The following PKIB variants were observed in gnomAD, a reference collection of about 807,000 sequenced individuals.
PKIB encodes PKI-beta.
In PKIB, 2 loss-of-function variants were observed where a neutral mutation model predicts 4.5. That is an observed-to-expected ratio of 0.44 (90% CI 0.18 to 1.39). The LOEUF (loss-of-function observed/expected upper bound fraction) is 1.39, where lower values mean the gene tolerates loss of function less well. Among genes scored for constraint, PKIB ranks in the 40% most tolerant of loss-of-function variants. The pLI is 0.27. For missense variants in PKIB, 94 were observed against 92.6 expected (o/e 1.02, Z -0.06); for synonymous variants, 38 against 36.0 (o/e 1.06, Z -0.20).
chr6:122,689,397 T>C (rs1178719728), intron 3 of PKIB, among the ~76,000 whole-genome samples: 1 of 152,150 alleles, frequency 6.6e-6, no homozygotes, highest in East Asian at 1.9e-4. Flanking sequence ...TAGGTGCTTA[T>C]TGCTATTAAC....
At chr6:122,572,158 A>C (rs1773385097) in intron 2 of PKIB, among the ~76,000 whole-genome samples, 1 of 152,148 alleles carries the variant, frequency 6.6e-6, no homozygotes, top group Non-Finnish European at 1.5e-5. Context: ...CTTACATTAG[A>C]CAAACCAGAC....
At position 122,638,012 on chromosome 6, in the gene PKIB, T is replaced by A. The variant is rs558553935; in HGVS notation, c.-76+4645T>A. Reference sequence around the variant, plus strand: ...AATTAAAATAACATGTTAAAATAAGTTATCACTAATAAAAATGAAATAATT... The same window carrying A: ...AATTAAAATAACATGTTAAAATAAGATATCACTAATAAAAATGAAATAATT... On this transcript the variant is annotated intron_variant, in intron 2 of 4. Transcript: ENST00000368452. Among the ~76,000 whole-genome samples the A allele has an allele frequency of 9.2e-5, 14 of 152,274 alleles. No individual in the cohort carries two copies. In the East Asian group the frequency reaches 2.7e-3, roughly 29 times the overall value.
intron 1 of PKIB, among the ~76,000 whole-genome samples, chr6:122,620,495 T>C (rs1430402420): frequency 6.6e-6 from 1 of 152,240 alleles, no homozygotes; most frequent in African/African-American, 2.4e-5. Context: ...AGAATTTGTG[T>C]TGCTTGGTTT....
chr6:122,540,403 A>G lies in PKIB; in HGVS notation c.-247-45518A>G, dbSNP rs1246138578. On this transcript the variant is annotated intron_variant, in intron 2 of 6. Coordinates refer to the PKIB transcript ENST00000392491. ...GTGTCTTTGTTCTCGTTGGTTTCAAAGAACATCTTTATTTCTGCCTTCATT... is the reference window on the plus strand; with the variant it reads ...GTGTCTTTGTTCTCGTTGGTTTCAAGGAACATCTTTATTTCTGCCTTCATT... Among the ~76,000 whole-genome samples the G allele has an allele frequency of 1.3e-5, 2 of 151,950 alleles. 1 individual carries two copies. The highest frequency in any genetic ancestry group is 4.8e-5 in the African/African-American group (2 of 41,248).
intron 2 of PKIB, among the ~76,000 whole-genome samples, chr6:122,522,201 A>C (rs1251612352): frequency 6.6e-6 from 1 of 152,234 alleles, no homozygotes; most frequent in Non-Finnish European, 1.5e-5. Flanking sequence ...ACAAATAAGC[A>C]CATTTATTTA....
At chr6:122,674,954 T>G (rs1777613177) in intron 2 of PKIB, 124 bp from the exon 3 acceptor site, 1 of 152,252 alleles carries the variant, frequency 6.6e-6, no homozygotes, top group Non-Finnish European at 1.5e-5. Flanking sequence ...CCCGAGAAAG[T>G]CAGGCAAGTC....
chr6:122,571,192 A>G (rs1301063943), intron 2 of PKIB, among the ~76,000 whole-genome samples: 1 of 152,174 alleles, frequency 6.6e-6, no homozygotes, highest in East Asian at 1.9e-4. Context: ...ACCCAATCAG[A>G]CAAAGATAAA....
At position 122,506,705 on chromosome 6, in the gene PKIB, T is replaced by G. The variant is rs192615112; in HGVS notation, c.-248+28766T>G. On this transcript the variant is annotated intron_variant, in intron 2 of 6. Transcript: ENST00000392491. ...TGATTGGAGATGTAATTTTTTTTTT[T>G]TTTTTTTTTTTTGAGACGGAGTCTC... Among the ~76,000 whole-genome samples, 339 of 146,628 alleles carry G rather than the reference T, an allele frequency of 2.3e-3. 2 individuals are homozygous for G. Among genetic ancestry groups the G allele is most frequent in the Middle Eastern group, 0.01 (3 of 288 alleles).
chr6:122,528,256 C>A (rs777466730), intron 2 of PKIB, among the ~76,000 whole-genome samples: 8 of 152,042 alleles, frequency 5.3e-5, no homozygotes, highest in Admixed American at 3.3e-4. Flanking sequence ...CCTATCTTTT[C>A]ATTTTCATCT....
At chr6:122,632,511 A>G (rs2114823176) in intron 1 of PKIB, among the ~76,000 whole-genome samples, 1 of 152,336 alleles carries the variant, frequency 6.6e-6, no homozygotes, top group African/African-American at 2.4e-5. Context: ...AAATGAAAAT[A>G]ACTAGGTTGT....
intron 2 of PKIB, among the ~76,000 whole-genome samples, chr6:122,642,577 A>C (rs1313160221): frequency 6.6e-6 from 1 of 152,126 alleles, no homozygotes; most frequent in Non-Finnish European, 1.5e-5. Flanking sequence ...TTCTCACTCT[A>C]TCCCATTTGT....
At chr6:122,508,396 G>A (rs781324146) in intron 2 of PKIB, among the ~76,000 whole-genome samples, 2 of 152,150 alleles carry the variant, frequency 1.3e-5, no homozygotes, top group Non-Finnish European at 2.9e-5. Context: ...TGGCACTGAG[G>A]ACAATGTTGT....
intron 2 of PKIB, among the ~76,000 whole-genome samples, chr6:122,492,146 T>A (rs2114539649): frequency 6.6e-6 from 1 of 152,288 alleles, no homozygotes; most frequent in Non-Finnish European, 1.5e-5. Context: ...GGGAGAGGTA[T>A]GAGAACATGT....
chr6:122,642,739 G>A (rs188124282), intron 2 of PKIB, among the ~76,000 whole-genome samples: 21 of 152,304 alleles, frequency 1.4e-4, no homozygotes, highest in Admixed American at 6.5e-4. Flanking sequence ...AGGTTTGGGT[G>A]TGCCAATGTA....
At chr6:122,566,929 C>T (rs902177432) in intron 2 of PKIB, among the ~76,000 whole-genome samples, 2 of 152,140 alleles carry the variant, frequency 1.3e-5, no homozygotes, top group Admixed American at 1.3e-4. Context: ...CACTTTGTCA[C>T]CCAGGCTGCA....
At chr6:122,645,493 C>A (rs1776274765) in intron 2 of PKIB, among the ~76,000 whole-genome samples, 1 of 152,182 alleles carries the variant, frequency 6.6e-6, no homozygotes, top group Non-Finnish European at 1.5e-5. Flanking sequence ...CAGCAAGGTG[C>A]AGCAGATGGT....
At chr6:122,559,538 C>T (rs1033598477) in intron 2 of PKIB, among the ~76,000 whole-genome samples, 1 of 150,828 alleles carries the variant, frequency 6.6e-6, no homozygotes, top group Non-Finnish European at 1.5e-5. Flanking sequence ...CTTTTTTGTT[C>T]CCTATGAATT....
intron 3 of PKIB, among the ~76,000 whole-genome samples, chr6:122,697,926 A>G (rs1778638384): frequency 1.3e-5 from 2 of 152,112 alleles, no homozygotes; most frequent in Admixed American, 1.3e-4. Context: ...TTATATATTT[A>G]TATTTGGGTA....
chr6:122,615,540 G>A (rs1328271373), intron 1 of PKIB, among the ~76,000 whole-genome samples: 2 of 151,510 alleles, frequency 1.3e-5, no homozygotes, highest in Non-Finnish European at 2.9e-5. Flanking sequence ...CTTCATGGGT[G>A]TACTGAGTTG....
Sources: allele counts gnomAD v4.1 joint callset (sites outside exome capture counted in the v4.1 genomes callset), GRCh38; gene constraint gnomAD v4.1.1; transcripts MANE v1.5; gene names NCBI Gene and HGNC (gene_info 2026-07-23, HGNC 2026-07-21).